Variants in FAM110B observed in about 807,000 individuals in gnomAD.
FAM110B encodes protein FAM110B.
Under a neutral mutation model 20.4 loss-of-function variants are expected in FAM110B, and 6 were observed. The observed-to-expected ratio is 0.29, with a 90% confidence interval of 0.16 to 0.58. The LOEUF is 0.58. Ranked by LOEUF, FAM110B falls within the 20% of genes least tolerant of loss-of-function variation. The pLI, the probability that FAM110B is intolerant of heterozygous loss-of-function variation, is 0.90. For missense variants in FAM110B, 434 were observed against 498.2 expected (o/e 0.87, Z 1.23); for synonymous variants, 226 against 214.1 (o/e 1.06, Z -0.49).
Position 58,121,350 on chromosome 8 carries a change from A to G in FAM110B, c.-324-24557A>G, listed in dbSNP as rs116395560. On this transcript the variant is annotated intron_variant, in intron 3 of 3. Transcript: ENST00000519262. Reference sequence around the variant, plus strand: ...TAGTAGAGCTCATGAAAGTAAAGAGAAGTATTTGGGTTTCAGTCAATCTTA... The same window carrying G: ...TAGTAGAGCTCATGAAAGTAAAGAGGAGTATTTGGGTTTCAGTCAATCTTA... 2.5e-3 allele frequency among the ~76,000 whole-genome samples: 384 copies of G among 152,236 alleles called. 5 individuals are homozygous for G. The highest frequency in any genetic ancestry group is 8.5e-3 in the African/African-American group (355 of 41,532).
At chr8:58,016,684 A>G (rs544923044) in intron 1 of FAM110B, among the ~76,000 whole-genome samples, 1 of 152,294 alleles carries the variant, frequency 6.6e-6, no homozygotes, top group South Asian at 2.1e-4. Flanking sequence ...CATGCCAGGA[A>G]GTGCTCCAGT....
intron 2 of FAM110B, among the ~76,000 whole-genome samples, chr8:58,037,821 C>T (rs182652489): frequency 5.7e-4 from 87 of 152,148 alleles, no homozygotes; most frequent in African/African-American, 1.7e-3. Context: ...GGAAAACAGC[C>T]GTTACTTTTC....
At chr8:58,140,844 A>G (rs1803729863) in intron 3 of FAM110B, among the ~76,000 whole-genome samples, 1 of 152,126 alleles carries the variant, frequency 6.6e-6, no homozygotes, top group African/African-American at 2.4e-5. Flanking sequence ...TTTACCTTCA[A>G]GTCCTTTGCC....
chr8:58,133,205 G>A (rs201115920), intron 3 of FAM110B, among the ~76,000 whole-genome samples: 1 of 140,134 alleles, frequency 7.1e-6, no homozygotes, highest in Non-Finnish European at 1.6e-5. Flanking sequence ...GCTCGATTTT[G>A]TTTTTTTTTT....
At chr8:58,099,590 C>A (rs1411503261) in intron 3 of FAM110B, among the ~76,000 whole-genome samples, 2 of 152,174 alleles carry the variant, frequency 1.3e-5, no homozygotes, top group Non-Finnish European at 2.9e-5. Flanking sequence ...TACCTCAGTT[C>A]TGATCTCTCC....
chr8:58,054,140 C>T (rs1052179267), intron 2 of FAM110B, among the ~76,000 whole-genome samples: 3 of 152,134 alleles, frequency 2.0e-5, no homozygotes, highest in Non-Finnish European at 4.4e-5. Context: ...TGACAGTCTA[C>T]ACATCCAATT....
intron 1 of FAM110B, among the ~76,000 whole-genome samples, chr8:58,013,928 C>T (rs1804590072): frequency 1.3e-5 from 2 of 152,148 alleles, no homozygotes; most frequent in South Asian, 2.1e-4. Context: ...GCTGGCCTTT[C>T]GTGCTGGCAT....
intron 3 of FAM110B, among the ~76,000 whole-genome samples, chr8:58,119,876 G>A (rs1478184990): frequency 6.6e-6 from 1 of 152,178 alleles, no homozygotes; most frequent in Non-Finnish European, 1.5e-5. Flanking sequence ...TGGTAAGGTT[G>A]GTTATTATCA....
In FAM110B at chr8:58,143,760, C is replaced by T. The variant is rs532449070; in HGVS notation, c.-324-2147C>T. ...ACACGCAGGTGTGCATGGAAGGCCA[C>T]GCCAGTGGTGTAGGTGTTTTAGGCT... is the stretch of plus-strand genomic sequence containing the variant. On this transcript the variant is annotated intron_variant, in intron 3 of 3. Transcript: ENST00000519262. 1.6e-3 allele frequency among the ~76,000 whole-genome samples: 242 copies of T among 152,296 alleles called. 1 individual carries two copies. Among genetic ancestry groups the T allele is most frequent in the African/African-American group, 5.7e-3 (236 of 41,556 alleles).
intron 3 of FAM110B, among the ~76,000 whole-genome samples, chr8:58,105,556 ATTTTTTTTTTTTTTT>A (rs71557704): frequency 7.4e-5 from 7 of 94,602 alleles, no homozygotes; most frequent in Admixed American, 2.4e-4. Flanking sequence ...GAATGAATGA[ATTTTTTTTTTTTTTT>A]TTTTTTTTTT....
At chr8:58,013,605 T>A (rs1373501575) in intron 1 of FAM110B, among the ~76,000 whole-genome samples, 6 of 152,162 alleles carry the variant, frequency 3.9e-5, no homozygotes, top group Non-Finnish European at 7.3e-5. Context: ...GGCCCTCTGT[T>A]GTTCAGGGAC....
At chr8:58,059,620 T>C (rs1272722462) in intron 2 of FAM110B, among the ~76,000 whole-genome samples, 1 of 151,882 alleles carries the variant, frequency 6.6e-6, no homozygotes, top group Non-Finnish European at 1.5e-5. Context: ...TATTGATTTG[T>C]AGGAGTTTTT....
Position 58,133,630 on chromosome 8 carries a change from C to T in FAM110B, c.-324-12277C>T, listed in dbSNP as rs139695348. On this transcript the variant is annotated intron_variant, in intron 3 of 3. Transcript: ENST00000519262. The stretch of plus-strand genomic sequence containing the variant: ...GGGGAGGAGATTCCAGGAGAGAGCG[C>T]AGAATGTGGAGGCAGGCATCAGAGA... Among the ~76,000 whole-genome samples the T allele has an allele frequency of 2.0e-3, 312 of 152,268 alleles. 1 individual carries two copies. Among genetic ancestry groups the T allele is most frequent in the Middle Eastern group, 6.8e-3 (2 of 294 alleles).
Position 58,100,337 on chromosome 8 carries a change from A to G in FAM110B, c.-325+24714A>G, listed in dbSNP as rs1016361802. Among the ~76,000 whole-genome samples the G allele has an allele frequency of 3.3e-5, 5 of 151,814 alleles. No individual in the cohort carries two copies. In the East Asian group the frequency reaches 5.8e-4, roughly 18 times the overall value. The stretch of plus-strand genomic sequence containing the variant: ...ATTCTGAAGCTGGGTGGGCTCCTTC[A>G]AAGAGAGCAAGGGTGGTGTATTTTG... On this transcript the variant is annotated intron_variant, in intron 3 of 3. Transcript: ENST00000519262.
intron 2 of FAM110B, among the ~76,000 whole-genome samples, chr8:58,040,963 C>CA (rs1805204274): frequency 1.0e-5 from 1 of 98,602 alleles, no homozygotes; most frequent in South Asian, 3.4e-4. Context: ...TTTTTTGAGA[C>CA]AGAGTTTCAC....
intron 2 of FAM110B, among the ~76,000 whole-genome samples, chr8:58,054,653 A>C (rs1419643521): frequency 1.3e-5 from 2 of 152,182 alleles, no homozygotes; most frequent in Non-Finnish European, 2.9e-5. Context: ...AGGTGGGAGC[A>C]TAGTCTTGGG....
chr8:58,032,726 C>T (rs1221821920), intron 2 of FAM110B: 5 of 152,134 alleles, frequency 3.3e-5, no homozygotes, highest in Non-Finnish European at 7.3e-5. Flanking sequence ...GCGCTCACCT[C>T]CCATTGTGTT....
chr8:58,010,258 G>T (rs1451040109), intron 1 of FAM110B, among the ~76,000 whole-genome samples: 1 of 151,304 alleles, frequency 6.6e-6, no homozygotes, highest in Non-Finnish European at 1.5e-5. Context: ...CTGACCTGAA[G>T]TGATCTACCC....
Position 57,999,132 on chromosome 8 carries a change from T to C in FAM110B, c.-512+4326T>C, listed in dbSNP as rs1404793468. 2.4e-4 allele frequency among the ~76,000 whole-genome samples: 37 copies of C among 152,240 alleles called. 1 individual carries two copies. The highest frequency in any genetic ancestry group is 7.3e-5 in the Non-Finnish European group (5 of 68,036). The stretch of plus-strand genomic sequence containing the variant: ...TCAGTATGTTTGGTGATAAAAATAG[T>C]GAACATGTGGATGATTAAACAGTTT... On this transcript the variant is annotated intron_variant, in intron 1 of 3. Transcript: ENST00000519262.
Sources: allele counts gnomAD v4.1 joint callset (sites outside exome capture counted in the v4.1 genomes callset), GRCh38; gene constraint gnomAD v4.1.1; transcripts MANE v1.5; gene names NCBI Gene and HGNC (gene_info 2026-07-23, HGNC 2026-07-21).